Variants in KIAA0586 observed in about 807,000 individuals in gnomAD.
KIAA0586 encodes protein TALPID3.
KIAA0586 carries 144 observed loss-of-function variants against 169.8 expected under a neutral mutation model. The observed-to-expected ratio is 0.85, with a 90% CI of 0.74 to 0.97. KIAA0586 has a LOEUF of 0.97. Among genes scored for constraint, KIAA0586 ranks in the 50% least tolerant of loss-of-function variants. The probability of loss-of-function intolerance (pLI) is 0.00; values close to 1 mark genes in which losing one functional copy is unlikely to be tolerated. For synonymous variants in KIAA0586, 625 were observed against 612.4 expected, an observed-to-expected ratio of 1.02 and a Z score of -0.30; for missense variants, 1,854 against 1,823.0, an observed-to-expected ratio of 1.02 and a Z score of -0.31.
chr14:58,519,626 TTATCATCTC>T (rs1245675339), intron 29 of KIAA0586, among the ~76,000 whole-genome samples: 1 of 152,214 alleles, frequency 6.6e-6, no homozygotes, highest in East Asian at 1.9e-4. Context: ...AGAGCTGCTT[TTATCATCTC>T]TATATTTCCA....
At chr14:58,446,285 C>G (rs1443737107) in intron 6 of KIAA0586, among the ~76,000 whole-genome samples, 1 of 151,830 alleles carries the variant, frequency 6.6e-6, no homozygotes, top group African/African-American at 2.4e-5. Context: ...CACTTGAGGT[C>G]AGGAGTTCAA....
chr14:58,428,526 T>A lies in KIAA0586; in HGVS notation c.199+63T>A, dbSNP rs192958275. ...TTAGTAAATCTTTAGTCCTTATTTG[T>A]TTAAATTCCCAAACGTAAGATATAA... On this transcript the variant is annotated intron_variant, in intron 1 of 30. Transcript: ENST00000652326. The A allele has an allele frequency of 2.0e-5, 24 of 1,224,610 alleles. 1 individual carries two copies. Among genetic ancestry groups the A allele is most frequent in the South Asian group, 1.3e-4 (10 of 76,278 alleles). The allele number at this position is 1,224,610 out of a possible 1,614,324, so 75.9% of individuals were successfully genotyped here.
intron 15 of KIAA0586, 46 bp from the exon 16 acceptor site, chr14:58,467,688 CT>C: frequency 1.1e-5 from 15 of 1,416,374 alleles, no homozygotes; most frequent in South Asian, 3.8e-5. Flanking sequence ...AGACTTTTCC[CT>C]TTTTTTCTGA....
Position 58,498,930 on chromosome 14 carries a change from C to G in KIAA0586, c.4138C>G (p.Pro1380Ala). The G allele has an allele frequency of 1.9e-6, 3 of 1,608,032 alleles. No individual in the cohort carries two copies. The South Asian group carries it at 3.4e-5, about 18-fold the overall frequency. The change falls in exon 27 of 31, where the codon CCA becomes GCA. Residue 1380 changes from proline (P) to alanine (A), a missense_variant. Pro to Ala is a conservative substitution (Grantham distance 27). Transcript: ENST00000652326. ...TTTGGATCAACAATGTGATCCTAAA[C>G]CATTATCTCGGCAATTTGACACAGT... Reference protein sequence around the residue: ...QSLDQQCDPKPLSRQFDTVSG... With the variant: ...QSLDQQCDPKALSRQFDTVSG...
rs2038502764 is a variant in KIAA0586 at position 58,442,723 on chromosome 14, T to G, written c.428T>G (p.Val143Gly). ...ATTTATAGAGCTCAAAGCATGCCTG[T>G]TTTTAAGGAAGTAAAGGTACATCTG... is the stretch of plus-strand genomic sequence containing the variant. ...VLKQKAQSMPVFKEVKVHLLE... is the reference protein window; with the variant it reads ...VLKQKAQSMPGFKEVKVHLLE... Residue 143 changes from valine (V) to glycine (G), a missense_variant, in exon 5 of 31, where the codon GTT (valine) becomes GGT (glycine). Val to Gly is a moderately radical substitution (Grantham distance 109). Transcript: ENST00000652326. 1.3e-6 allele frequency: 2 copies of G among 1,572,640 alleles called. No individual in the cohort carries two copies. Among genetic ancestry groups the G allele is most frequent in the Non-Finnish European group, 8.6e-7 (1 of 1,157,644 alleles).
chr14:58,492,512 T>C (rs1468896723), intron 26 of KIAA0586, among the ~76,000 whole-genome samples: 1 of 152,176 alleles, frequency 6.6e-6, no homozygotes, highest in Non-Finnish European at 1.5e-5. Context: ...TGAGGATTCA[T>C]TATGCAATTA....
chr14:58,477,435 T>C (rs1273344547), intron 20 of KIAA0586, among the ~76,000 whole-genome samples, 194 bp downstream of exon 20: 1 of 152,174 alleles, frequency 6.6e-6, no homozygotes, highest in Admixed American at 6.5e-5. Context: ...GCTTTCAGAT[T>C]ATTAAACCAC....
At chr14:58,529,368 A>G (rs909148398) in intron 29 of KIAA0586, among the ~76,000 whole-genome samples, 2 of 152,236 alleles carry the variant, frequency 1.3e-5, no homozygotes, top group Non-Finnish European at 2.9e-5. Context: ...AGCCAGCATC[A>G]TCCTGATACG....
At chr14:58,532,987 A>G (rs1339346653) in intron 29 of KIAA0586, among the ~76,000 whole-genome samples, 1 of 152,210 alleles carries the variant, frequency 6.6e-6, no homozygotes, top group African/African-American at 2.4e-5. Context: ...ATGGTCAGGA[A>G]CCTTTTTTTG....
rs200490147 is a variant in KIAA0586 at position 58,470,701 on chromosome 14, C to A, written c.2531C>A (p.Pro844His). ...PLSSPKEASL[P>H]PVQTWIKTPE... ...TCTAGCCCCAAAGAAGCATCTCTTC[C>A]TCCTGTGCAAACTTGGATAAAGGTA... Residue 844 changes from proline (P) to histidine (H), a missense_variant, in exon 17 of 31, where the codon CCT (proline) becomes CAT (histidine). Physicochemically the swap from Pro to His is moderately conservative, Grantham distance 77 (BLOSUM62 -2). Transcript: ENST00000652326. 6.9e-5 allele frequency: 110 copies of A among 1,583,496 alleles called. No homozygotes were observed. The highest frequency in any genetic ancestry group is 9.5e-5 in the Non-Finnish European group (109 of 1,152,726).
At chr14:58,490,321 C>T in intron 25 of KIAA0586, 81 bp downstream of exon 25, 2 of 735,738 alleles carry the variant, frequency 2.7e-6, no homozygotes, top group South Asian at 2.3e-5. Flanking sequence ...CAGGTTTTTT[C>T]TCAATTTTTT....
intron 30 of KIAA0586, among the ~76,000 whole-genome samples, chr14:58,543,401 C>T (rs2046782286): frequency 6.6e-6 from 1 of 152,198 alleles, no homozygotes; most frequent in South Asian, 2.1e-4. Flanking sequence ...CTGCTGTATT[C>T]TCCAGAGTCT....
chr14:58,561,181 C>T, the KIAA0586 span, among the ~76,000 whole-genome samples: 2 of 152,170 alleles, frequency 1.3e-5, no homozygotes, highest in South Asian at 4.1e-4. Context: ...TCACATTAAT[C>T]CACAGAGAAA....
At chr14:58,560,343 C>A in the KIAA0586 span, among the ~76,000 whole-genome samples, 2 of 152,134 alleles carry the variant, frequency 1.3e-5, no homozygotes. Flanking sequence ...TGAGATCATT[C>A]ACATGGTAAA....
chr14:58,442,980 GAA>G, intron 5 of KIAA0586, 100 bp downstream of exon 5: 1 of 815,136 alleles, frequency 1.2e-6, no homozygotes, highest in Non-Finnish European at 1.9e-6. Flanking sequence ...TATAGACTAG[GAA>G]CATTGTAGTT....
At chr14:58,558,590 G>C in the KIAA0586 span, among the ~76,000 whole-genome samples, 17 of 152,300 alleles carry the variant, frequency 1.1e-4, no homozygotes, top group African/African-American at 4.1e-4. Flanking sequence ...TTTTGCATAT[G>C]AAACAAGCAA....
At position 58,474,644 on chromosome 14, in the gene KIAA0586, C is replaced by A; in HGVS notation, c.2672C>A (p.Pro891Gln). ...TGTGATGAAATTCCAGACTCTGAAC[C>A]AATTCTGGAGTTTAACAGAAGTGTT... The part of the protein sequence containing the change: ...EKCDEIPDSE[P>Q]ILEFNRSVKA... Residue 891 changes from proline (P) to glutamine (Q), a missense_variant, in exon 19 of 31, where the codon CCA becomes CAA. Coordinates refer to ENST00000652326, the MANE Select transcript of KIAA0586 (RefSeq NM_001329943.3). 6.3e-7 allele frequency: 1 copy of A among 1,596,624 alleles called. No homozygotes were observed. The highest frequency in any genetic ancestry group is 1.8e-5 in the Admixed American group (1 of 55,184).
At chr14:58,527,547 A>G (rs866592470) in intron 29 of KIAA0586, among the ~76,000 whole-genome samples, 2 of 152,212 alleles carry the variant, frequency 1.3e-5, no homozygotes, top group South Asian at 2.1e-4. Context: ...TGGGGGGCCA[A>G]TATTCAGCAG....
At chr14:58,484,924 A>ATATAAATATATATTTTT (rs1566877360) in intron 21 of KIAA0586, among the ~76,000 whole-genome samples, 1 of 13,048 alleles carries the variant, frequency 7.7e-5, no homozygotes, top group Non-Finnish European at 1.3e-4. Context: ...ATATATATAT[A>ATATAAATATATATTTTT]TTTTTTTTTT....
Sources: gnomAD v4.1 joint callset for allele counts (sites outside exome capture counted in the v4.1 genomes callset) on GRCh38, gnomAD v4.1.1 for gene constraint, MANE v1.5 for transcripts, NCBI Gene and HGNC (gene_info 2026-07-23, HGNC 2026-07-21) for gene names.